The following FHIT variants were observed in gnomAD, a reference collection of about 807,000 sequenced individuals.
FHIT encodes the protein bis(5'-adenosyl)-triphosphatase.
In FHIT, 19 loss-of-function variants were observed where a neutral mutation model predicts 17.9. That is an observed-to-expected ratio of 1.06 (90% CI 0.74 to 1.56). The LOEUF (loss-of-function observed/expected upper bound fraction) is 1.56, where lower values mean the gene tolerates loss of function less well. Ranked by LOEUF, FHIT falls within the 40% of genes most tolerant of loss-of-function variation. The pLI is 0.00. For missense variants in FHIT, 248 were observed against 189.2 expected (o/e 1.31, Z -1.82); for synonymous variants, 81 against 69.7 (o/e 1.16, Z -0.81).
At chr3:61,032,587 G>A (rs1457214622) in intron 3 of FHIT, among the ~76,000 whole-genome samples, 3 of 152,126 alleles carry the variant, frequency 2.0e-5, no homozygotes, top group African/African-American at 7.2e-5. Context: ...CCAGAGGCCA[G>A]ACATATTAAG....
At chr3:60,748,610 A>C (rs1265690496) in intron 4 of FHIT, among the ~76,000 whole-genome samples, 1 of 152,138 alleles carries the variant, frequency 6.6e-6, no homozygotes, top group Non-Finnish European at 1.5e-5. Flanking sequence ...TCAGGAGTTC[A>C]AGACCAGCCT....
chr3:60,071,523 C>G (rs1246191814), intron 5 of FHIT, among the ~76,000 whole-genome samples: 1 of 152,122 alleles, frequency 6.6e-6, no homozygotes, highest in African/African-American at 2.4e-5. Context: ...ATGAATGACT[C>G]TCTTTCCATG....
chr3:61,025,020 C>T (rs1378481212), intron 3 of FHIT, among the ~76,000 whole-genome samples: 1 of 144,654 alleles, frequency 6.9e-6, no homozygotes, highest in Non-Finnish European at 1.5e-5. Context: ...CCCTTTTTCA[C>T]CTTCTCTCCA....
At chr3:61,064,462 G>C (rs1196896439) in intron 2 of FHIT, among the ~76,000 whole-genome samples, 1 of 152,084 alleles carries the variant, frequency 6.6e-6, no homozygotes, top group Non-Finnish European at 1.5e-5. Context: ...TACTTAATTT[G>C]AGGTTTCTTA....
chr3:60,375,637 G>A (rs1033488327), intron 5 of FHIT, among the ~76,000 whole-genome samples: 1 of 152,046 alleles, frequency 6.6e-6, no homozygotes, highest in African/African-American at 2.4e-5. Flanking sequence ...CACATACATA[G>A]AGGAGTAGCA....
At chr3:60,842,643 ATATTTT>A (rs1702775198) in intron 3 of FHIT, among the ~76,000 whole-genome samples, 3 of 48,248 alleles carry the variant, frequency 6.2e-5, no homozygotes, top group African/African-American at 1.7e-4. Context: ...ATATATATAT[ATATTTT>A]TTTTTTTTTT....
chr3:59,815,439 A>G (rs916541930), intron 8 of FHIT, among the ~76,000 whole-genome samples: 2 of 152,244 alleles, frequency 1.3e-5, no homozygotes, highest in African/African-American at 4.8e-5. Context: ...ACACATGTTT[A>G]TAGCAGAATA....
intron 4 of FHIT, among the ~76,000 whole-genome samples, chr3:60,568,388 A>G (rs1425972071): frequency 6.6e-6 from 1 of 151,812 alleles, no homozygotes; most frequent in Non-Finnish European, 1.5e-5. Flanking sequence ...GTTCTCACTC[A>G]TAGGTGGGAA....
At chr3:60,992,999 C>A (rs115320396) in intron 3 of FHIT, among the ~76,000 whole-genome samples, 1 of 152,108 alleles carries the variant, frequency 6.6e-6, no homozygotes, top group Non-Finnish European at 1.5e-5. Flanking sequence ...TAAGTCCCAT[C>A]GCGTGGCATT....
intron 2 of FHIT, among the ~76,000 whole-genome samples, chr3:61,065,173 C>T (rs1487474763): frequency 1.3e-5 from 2 of 151,954 alleles, no homozygotes; most frequent in African/African-American, 4.8e-5. Flanking sequence ...TTGTAAACAG[C>T]TTCCAATATT....
intron 5 of FHIT, among the ~76,000 whole-genome samples, chr3:60,485,778 A>T (rs114620713): frequency 0.014 from 2,054 of 152,076 alleles, 55 homozygotes; most frequent in African/African-American, 0.047. Context: ...CTAAAGTAAA[A>T]TTTTTTTTAA....
chr3:61,229,542 GTACC>G (rs2040049007), intron 1 of FHIT, among the ~76,000 whole-genome samples: 1 of 152,138 alleles, frequency 6.6e-6, no homozygotes, highest in Non-Finnish European at 1.5e-5. Context: ...GCTAGCTGTA[GTACC>G]TTACTAGCTG....
intron 4 of FHIT, among the ~76,000 whole-genome samples, chr3:60,794,601 T>A (rs2108127892): frequency 6.6e-6 from 1 of 152,348 alleles, no homozygotes; most frequent in South Asian, 2.1e-4. Context: ...TGCAGGATAG[T>A]AGTTAAGAGT....
chr3:59,902,494 C>T (rs143045090), intron 8 of FHIT, among the ~76,000 whole-genome samples: 22 of 152,046 alleles, frequency 1.4e-4, no homozygotes, highest in African/African-American at 5.1e-4. Flanking sequence ...TCTCCACTCA[C>T]ATGTTCATCG....
intron 6 of FHIT, among the ~76,000 whole-genome samples, chr3:60,013,735 T>A (rs999917152): frequency 2.0e-5 from 3 of 152,180 alleles, no homozygotes; most frequent in Non-Finnish European, 4.4e-5. Flanking sequence ...CAGTAAGCAA[T>A]TTGGAATGTC....
At chr3:60,807,793 A>G (rs938737481) in intron 4 of FHIT, among the ~76,000 whole-genome samples, 12 of 152,280 alleles carry the variant, frequency 7.9e-5, no homozygotes, top group African/African-American at 2.9e-4. Flanking sequence ...GAGACAGTGA[A>G]AAAGAAAGGT....
intron 5 of FHIT, among the ~76,000 whole-genome samples, chr3:60,042,551 A>G (rs1203489951): frequency 6.6e-6 from 1 of 151,786 alleles, no homozygotes; most frequent in East Asian, 1.9e-4. Context: ...ATTTCCTCAC[A>G]CTGTCTTCCC....
intron 1 of FHIT, among the ~76,000 whole-genome samples, chr3:61,203,752 C>A (rs1016669659): frequency 2.6e-5 from 4 of 152,126 alleles, no homozygotes; most frequent in Admixed American, 2.0e-4. Flanking sequence ...AAATTGTTTA[C>A]AAGGAGGAGA....
intron 3 of FHIT, among the ~76,000 whole-genome samples, chr3:60,943,126 G>A (rs1181687361): frequency 6.6e-6 from 1 of 152,092 alleles, no homozygotes; most frequent in African/African-American, 2.4e-5. Flanking sequence ...AAGCTAACCG[G>A]TTATGTGGTT....
Sources: allele counts gnomAD v4.1 joint callset (sites outside exome capture counted in the v4.1 genomes callset), GRCh38; gene constraint gnomAD v4.1.1; transcripts MANE v1.5; gene names NCBI Gene and HGNC (gene_info 2026-07-23, HGNC 2026-07-21).